PRKN: variants seen among roughly 807,000 people sequenced by gnomAD.
The protein encoded by PRKN is E3 ubiquitin-protein ligase parkin.
Under a neutral mutation model 59.5 loss-of-function variants are expected in PRKN, and 56 were observed. The observed-to-expected ratio is 0.94, with a 90% CI of 0.76 to 1.18. PRKN has a LOEUF of 1.18. Among genes scored for constraint, PRKN ranks in the 50% most tolerant of loss-of-function variants. The pLI, the probability that PRKN is intolerant of heterozygous loss-of-function variation, is 0.00. For synonymous variants in PRKN, 250 were observed against 222.1 expected (o/e 1.13, Z -1.12); for missense variants, 657 against 596.4 (o/e 1.10, Z -1.06).
chr6:162,516,114 A>T (rs73037930), intron 1 of PRKN, among the ~76,000 whole-genome samples: 1 of 152,152 alleles, frequency 6.6e-6, no homozygotes, highest in Non-Finnish European at 1.5e-5. Context: ...TTTGCACTGC[A>T]TGTTCTCTCT....
chr6:162,333,434 C>A (rs1783681042), intron 2 of PRKN, among the ~76,000 whole-genome samples: 1 of 152,070 alleles, frequency 6.6e-6, no homozygotes, highest in Admixed American at 6.6e-5. Context: ...CATGTCTCTG[C>A]ATCACATTTT....
At chr6:162,365,974 T>C (rs1785417984) in intron 2 of PRKN, among the ~76,000 whole-genome samples, 1 of 152,128 alleles carries the variant, frequency 6.6e-6, no homozygotes, top group Non-Finnish European at 1.5e-5. Context: ...TTTACACAAA[T>C]ATTTCCATTA....
intron 2 of PRKN, among the ~76,000 whole-genome samples, chr6:162,290,849 C>CT (rs913213670): frequency 1.2e-4 from 19 of 152,122 alleles, no homozygotes; most frequent in African/African-American, 4.3e-4. Context: ...ACATTGACAA[C>CT]TTTTCAGGAT....
intron 3 of PRKN, among the ~76,000 whole-genome samples, chr6:162,202,216 T>C (rs1784759749): frequency 6.6e-6 from 1 of 152,076 alleles, no homozygotes; most frequent in African/African-American, 2.4e-5. Flanking sequence ...TTTTTTAACA[T>C]TTGGAATGAA....
intron 6 of PRKN, among the ~76,000 whole-genome samples, chr6:161,900,062 G>A (rs933707005): frequency 6.6e-6 from 1 of 152,048 alleles, no homozygotes; most frequent in Non-Finnish European, 1.5e-5. Flanking sequence ...AGTGAGCTGA[G>A]ATCATGCCAC....
In PRKN at chr6:161,948,617, C is replaced by T. The variant is rs544979085; in HGVS notation, c.734+24685G>A. On this transcript the variant is annotated intron_variant, in intron 6 of 11. Transcript: ENST00000366898. Reference sequence around the variant, plus strand: ...TGTTCTCTGTGGAAAATCAGATAAACAGAGACCTGAGACCTGGACAGGAGT... The same window carrying T: ...TGTTCTCTGTGGAAAATCAGATAAATAGAGACCTGAGACCTGGACAGGAGT... Among the ~76,000 whole-genome samples the T allele has an allele frequency of 5.3e-5, 8 of 152,274 alleles. No homozygotes were observed. The East Asian group carries it at 1.5e-3, about 29-fold the overall frequency.
At chr6:162,530,137 T>TAAAA (rs34337550) in intron 1 of PRKN, among the ~76,000 whole-genome samples, 4 of 120,910 alleles carry the variant, frequency 3.3e-5, no homozygotes, top group African/African-American at 1.4e-4. Context: ...TCAGTCTCAA[T>TAAAA]AAAAAAAAAA....
intron 6 of PRKN, among the ~76,000 whole-genome samples, chr6:161,842,665 C>T (rs1793037867): frequency 1.3e-5 from 2 of 152,010 alleles, no homozygotes; most frequent in Admixed American, 1.3e-4. Context: ...CCAGGGTTCA[C>T]ACGATTCTCC....
chr6:162,683,619 A>ACAAAAAT (rs1779851913), intron 1 of PRKN, among the ~76,000 whole-genome samples: 1 of 152,226 alleles, frequency 6.6e-6, no homozygotes, highest in African/African-American at 2.4e-5. Context: ...ATAAATTCAT[A>ACAAAAAT]CAAAAATCAC....
At chr6:161,910,943 A>G (rs1778337122) in intron 6 of PRKN, among the ~76,000 whole-genome samples, 1 of 152,216 alleles carries the variant, frequency 6.6e-6, no homozygotes, top group Non-Finnish European at 1.5e-5. Flanking sequence ...TAAAGAAATA[A>G]TGGTAATAAC....
intron 2 of PRKN, among the ~76,000 whole-genome samples, chr6:162,351,679 A>G (rs924707956): frequency 8.5e-5 from 13 of 152,176 alleles, no homozygotes; most frequent in Admixed American, 8.5e-4. Flanking sequence ...CAGATAAACA[A>G]ACTGTAGTAT....
intron 6 of PRKN, among the ~76,000 whole-genome samples, chr6:161,902,809 G>A (rs957647141): frequency 6.6e-6 from 1 of 151,954 alleles, no homozygotes; most frequent in South Asian, 2.1e-4. Context: ...TGCCCACCTC[G>A]GCCTCCCAAA....
chr6:161,814,533 A>G (rs1450905922), intron 6 of PRKN, among the ~76,000 whole-genome samples: 2 of 151,608 alleles, frequency 1.3e-5, no homozygotes, highest in Non-Finnish European at 2.9e-5. Context: ...ATGGAGTTTC[A>G]CTCTTGTTGC....
chr6:162,405,237 C>T (rs867798373), intron 2 of PRKN, among the ~76,000 whole-genome samples: 1 of 152,120 alleles, frequency 6.6e-6, no homozygotes, highest in Admixed American at 6.5e-5. Flanking sequence ...CTAGTGAGAA[C>T]ATGGAATAGA....
intron 1 of PRKN, among the ~76,000 whole-genome samples, chr6:162,590,499 T>C (rs1360527054): frequency 6.6e-6 from 1 of 152,196 alleles, no homozygotes; most frequent in African/African-American, 2.4e-5. Context: ...AAGTGGCTAG[T>C]ACAACATATT....
At position 161,579,092 on chromosome 6, in the gene PRKN, C is replaced by T. The variant is rs376948196; in HGVS notation, c.872-9676G>A. On this transcript the variant is annotated intron_variant, in intron 7 of 11. Coordinates refer to ENST00000366898, the MANE Select transcript of PRKN (RefSeq NM_004562.3). The surrounding 1 kb of genome is among the most constrained non-coding windows in gnomAD (Gnocchi z 4.2). ...GATCCTTATCCATTATTTTCTTTCT[C>T]CTGCTGCTCTCAAAAGTTTGTCCTT... Among the ~76,000 whole-genome samples the T allele has an allele frequency of 1.3e-3, 191 of 152,282 alleles. 1 individual carries two copies. Among genetic ancestry groups the T allele is most frequent in the African/African-American group, 4.4e-3 (184 of 41,556 alleles).
At chr6:162,189,045 C>T (rs1028786537) in intron 4 of PRKN, among the ~76,000 whole-genome samples, 1 of 148,776 alleles carries the variant, frequency 6.7e-6, no homozygotes, top group Non-Finnish European at 1.5e-5. Context: ...TGAGATTAGA[C>T]GACTGCAGAG....
At chr6:162,101,154 T>C (rs970349419) in intron 4 of PRKN, among the ~76,000 whole-genome samples, 3 of 152,078 alleles carry the variant, frequency 2.0e-5, no homozygotes, top group Non-Finnish European at 4.4e-5. Context: ...TAACTGGCCA[T>C]ATCAATACCA....
chr6:161,808,073 T>C (rs923217493), intron 6 of PRKN, among the ~76,000 whole-genome samples: 3 of 152,174 alleles, frequency 2.0e-5, no homozygotes, highest in Non-Finnish European at 4.4e-5. Context: ...ATTTCTAAGA[T>C]ACAGAATAAG....
Sources: gnomAD v4.1 joint callset for allele counts (sites outside exome capture counted in the v4.1 genomes callset) on GRCh38, gnomAD v4.1.1 for gene constraint, Gnocchi (gnomAD v3.1) non-coding constraint, MANE v1.5 for transcripts, NCBI Gene and HGNC (gene_info 2026-07-23, HGNC 2026-07-21) for gene names.